The following SNX19 variants were observed in gnomAD, a reference collection of about 807,000 sequenced individuals.
The protein encoded by SNX19 is sorting nexin 19.
SNX19 carries 60 observed loss-of-function variants against 85.2 expected under a neutral mutation model. The ratio of observed to expected loss-of-function variants is 0.70; its 90% CI spans 0.57 to 0.87. The LOEUF (loss-of-function observed/expected upper bound fraction) is 0.87. SNX19 is among the 40% of genes least tolerant of loss of function. The probability of loss-of-function intolerance (pLI) is 0.00; values close to 1 mark genes in which losing one functional copy is unlikely to be tolerated. For missense variants in SNX19, 1,201 were observed against 1,217.8 expected, an observed-to-expected ratio of 0.99 and a Z score of 0.21; for synonymous variants, 520 against 470.0, an observed-to-expected ratio of 1.11 and a Z score of -1.38.
intron 8 of SNX19, among the ~76,000 whole-genome samples, chr11:130,885,407 C>T (rs1486475483): frequency 6.6e-6 from 1 of 152,194 alleles, no homozygotes; most frequent in Non-Finnish European, 1.5e-5. Flanking sequence ...CTTAAGATGG[C>T]ACTTCAAGGT....
At chr11:130,878,883 G>A (rs1260646621) in intron 10 of SNX19, among the ~76,000 whole-genome samples, 1 of 152,200 alleles carries the variant, frequency 6.6e-6, no homozygotes, top group African/African-American at 2.4e-5. Context: ...CAGAGCTCCT[G>A]ACTACTGCTG....
rs1429554359 is a variant in SNX19, at chr11:130,878,321, T to C, written c.*101A>G. On this transcript the variant is annotated 3_prime_UTR_variant, in exon 11 of 11. Coordinates refer to ENST00000265909, the MANE Select transcript of SNX19 (RefSeq NM_014758.3). The stretch of plus-strand genomic sequence containing the variant: ...TGAGCCACCGAGAACCTAGGCCTTC[T>C]TAGCTGTAGCCTACTTGAAGAGGGC... The C allele has an allele frequency of 7.3e-7, 1 of 1,372,622 alleles. No homozygotes were observed. The highest frequency in any genetic ancestry group is 1.4e-5 in the African/African-American group (1 of 69,114). 85.0% of individuals were successfully genotyped at this position (1,372,622 alleles called of 1,614,324 possible).
chr11:130,905,590 C>G (rs887198904), intron 7 of SNX19: 22 of 1,286,552 alleles, frequency 1.7e-5, no homozygotes, highest in Admixed American at 1.1e-4. Context: ...ACGAAAAAGG[C>G]ATGAAGGAAA....
chr11:130,871,100 T>C lies in SNX19; in HGVS notation c.*7322A>G, dbSNP rs966937718. On this transcript the variant is annotated 3_prime_UTR_variant, in exon 11 of 11. Transcript: ENST00000265909. ...AATCTACCACGTGGAAGGAAGGACA[T>C]GAACAAAAAAATGAAAGCAGGAAGG... 3.3e-5 allele frequency among the ~76,000 whole-genome samples: 5 copies of C among 151,920 alleles called. No homozygotes were observed. Among genetic ancestry groups the C allele is most frequent in the Non-Finnish European group, 7.4e-5 (5 of 67,970 alleles).
At chr11:130,900,697 C>G (rs576502902) in intron 8 of SNX19, among the ~76,000 whole-genome samples, 8 of 152,138 alleles carry the variant, frequency 5.3e-5, no homozygotes, top group African/African-American at 1.9e-4. Flanking sequence ...TTCTCGTGTT[C>G]TGAAACCAAT....
intron 2 of SNX19, among the ~76,000 whole-genome samples, chr11:130,910,764 G>A (rs1400235097): frequency 2.0e-5 from 3 of 152,204 alleles, no homozygotes; most frequent in African/African-American, 7.2e-5. Context: ...ATATTTTCAA[G>A]CTTGGCTCAG....
chr11:130,886,845 C>A (rs368100383), intron 8 of SNX19, among the ~76,000 whole-genome samples: 3 of 152,184 alleles, frequency 2.0e-5, no homozygotes, highest in Admixed American at 6.5e-5. Context: ...AGGCTTCTGT[C>A]CTGTAACTAT....
chr11:130,908,137 G>C (rs1236567031), intron 4 of SNX19, 54 bp from the exon 5 acceptor site: 26 of 1,593,314 alleles, frequency 1.6e-5, no homozygotes, highest in Non-Finnish European at 2.2e-5. Context: ...GATGGAAACC[G>C]CCAAGCAAGC....
intron 4 of SNX19, 130 bp from the exon 5 acceptor site, chr11:130,908,213 T>TC: frequency 9.8e-7 from 1 of 1,023,756 alleles, no homozygotes; most frequent in Non-Finnish European, 1.4e-6. Context: ...CAAAGCCTTA[T>TC]CCAGTAGGAA....
At chr11:130,894,473 A>G (rs1015496314) in intron 8 of SNX19, among the ~76,000 whole-genome samples, 4 of 152,230 alleles carry the variant, frequency 2.6e-5, no homozygotes, top group African/African-American at 7.2e-5. Context: ...AGTGGCCTCT[A>G]AACCGTAGAG....
rs562303156 is a variant in SNX19 at position 130,871,140 on chromosome 11, G to C, written c.*7282C>G. 2.0e-5 allele frequency among the ~76,000 whole-genome samples: 3 copies of C among 152,176 alleles called. No homozygotes were observed. Among genetic ancestry groups the C allele is most frequent in the Middle Eastern group, 6.8e-3 (2 of 294 alleles). ...AAGCAGGAAGGAACATGCTGGTTTG[G>C]GCAGAATAAAAAATCCCTAGATTTT... On this transcript the variant is annotated 3_prime_UTR_variant, in exon 11 of 11. Coordinates refer to ENST00000265909, the MANE Select transcript of SNX19 (RefSeq NM_014758.3).
At chr11:130,880,601 T>C in intron 9 of SNX19, 21 bp downstream of exon 9, 1 of 1,559,308 alleles carries the variant, frequency 6.4e-7, no homozygotes, top group Admixed American at 1.7e-5. Context: ...TTGGTATAAT[T>C]GATCTCATTG....
At chr11:130,903,454 T>C (rs1945407276) in intron 7 of SNX19, 70 bp from the exon 8 acceptor site, 4 of 1,530,890 alleles carry the variant, frequency 2.6e-6, no homozygotes, top group African/African-American at 1.4e-5. Context: ...TTCAAGGTAC[T>C]GGTGGCACCT....
chr11:130,884,926 TG>T (rs1450184959), intron 8 of SNX19, among the ~76,000 whole-genome samples: 4 of 149,398 alleles, frequency 2.7e-5, no homozygotes, highest in Admixed American at 2.7e-4. Context: ...TAAATACAAA[TG>T]CTCTTGTTCA....
intron 8 of SNX19, among the ~76,000 whole-genome samples, chr11:130,897,346 T>TCA (rs1040682192): frequency 2.0e-5 from 3 of 150,458 alleles, no homozygotes; most frequent in African/African-American, 7.3e-5. Context: ...CCCCCAACAC[T>TCA]CACACACACA....
In SNX19 at chr11:130,872,567, T is replaced by G. The variant is rs987847434; in HGVS notation, c.*5855A>C. Among the ~76,000 whole-genome samples the G allele has an allele frequency of 6.6e-6, 1 of 152,126 alleles. No homozygotes were observed. Among genetic ancestry groups the G allele is most frequent in the Admixed American group, 6.5e-5 (1 of 15,274 alleles). ...TTGGGGCAATGTCTCCCTCACCGCC[T>G]CTCTCATCCTTTATACCATAAAAGA... is the stretch of plus-strand genomic sequence containing the variant. On this transcript the variant is annotated 3_prime_UTR_variant, in exon 11 of 11. Transcript: ENST00000265909.
chr11:130,914,228 C>T, intron 1 of SNX19, 38 bp downstream of exon 1: 1 of 1,504,800 alleles, frequency 6.6e-7, no homozygotes, highest in Non-Finnish European at 8.9e-7. Context: ...AAACCCACTC[C>T]TAGCCCGGGT....
Position 130,916,080 on chromosome 11 carries a change from G to C in SNX19, c.-141C>G. Reference sequence around the variant, plus strand: ...GGAACCGGGGCTCCAGGCCCTCAAAGTCCTACAGGCACTGCAAAGCGACAG... The same window carrying C: ...GGAACCGGGGCTCCAGGCCCTCAAACTCCTACAGGCACTGCAAAGCGACAG... On this transcript the variant is annotated 5_prime_UTR_variant, in exon 1 of 11. Coordinates refer to ENST00000265909, the MANE Select transcript of SNX19 (RefSeq NM_014758.3). 2.8e-6 allele frequency: 2 copies of C among 709,862 alleles called. No homozygotes were observed. The highest frequency in any genetic ancestry group is 2.3e-6 in the Non-Finnish European group (1 of 430,158). 44.0% of individuals were successfully genotyped at this position (709,862 alleles called of 1,614,324 possible). A position where few individuals can be genotyped will look rare whatever the true frequency, so the allele number is the denominator to read the frequency against.
intron 8 of SNX19, chr11:130,893,645 A>G (rs1210957225): frequency 8.2e-6 from 5 of 611,826 alleles, no homozygotes; most frequent in African/African-American, 7.4e-5. Flanking sequence ...ATCTCCACAG[A>G]ATAGGAACTT....
Sources: allele counts gnomAD v4.1 joint callset (sites outside exome capture counted in the v4.1 genomes callset), GRCh38; gene constraint gnomAD v4.1.1; transcripts MANE v1.5; gene names NCBI Gene and HGNC (gene_info 2026-07-23, HGNC 2026-07-21).